The following SESN1 variants were observed in gnomAD, a reference collection of about 807,000 sequenced individuals.
The protein encoded by SESN1 is sestrin-1.
SESN1 carries 30 observed loss-of-function variants against 59.3 expected under a neutral mutation model. The observed-to-expected ratio is 0.51, with a 90% CI of 0.38 to 0.69. SESN1 has a LOEUF of 0.69. Ranked by LOEUF, SESN1 falls within the 30% of genes least tolerant of loss-of-function variation. The pLI, the probability that SESN1 is intolerant of heterozygous loss-of-function variation, is 0.00. For synonymous variants in SESN1, 197 were observed against 219.9 expected (o/e 0.90, Z 0.92); for missense variants, 566 against 673.0 (o/e 0.84, Z 1.76).
chr6:109,049,604 C>T (rs773299864), intron 1 of SESN1, among the ~76,000 whole-genome samples: 17 of 151,828 alleles, frequency 1.1e-4, no homozygotes, highest in Non-Finnish European at 1.6e-4. Context: ...GATCACTGCA[C>T]ATTGTAATTG....
intron 1 of SESN1, among the ~76,000 whole-genome samples, chr6:109,010,059 A>G (rs1399235820): frequency 6.6e-6 from 1 of 152,186 alleles, no homozygotes; most frequent in Non-Finnish European, 1.5e-5. Context: ...TGCAAAATTC[A>G]TTTTGCTAAG....
intron 1 of SESN1, among the ~76,000 whole-genome samples, chr6:109,049,592 C>G (rs1181710264): frequency 3.3e-5 from 5 of 151,860 alleles, no homozygotes; most frequent in African/African-American, 1.2e-4. Context: ...TTATCCTGAT[C>G]TGATCACTGC....
At chr6:109,022,149 T>C (rs1336869528) in intron 1 of SESN1, among the ~76,000 whole-genome samples, 1 of 152,102 alleles carries the variant, frequency 6.6e-6, no homozygotes, top group East Asian at 1.9e-4. Flanking sequence ...ATGCACCCAT[T>C]TGAAGTCCTT....
chr6:109,031,258 A>G (rs1382042563), intron 1 of SESN1, among the ~76,000 whole-genome samples: 4 of 152,186 alleles, frequency 2.6e-5, no homozygotes, highest in Non-Finnish European at 5.9e-5. Flanking sequence ...AAAAGTGATT[A>G]GATACTGCAG....
intron 1 of SESN1, among the ~76,000 whole-genome samples, chr6:109,007,692 G>C (rs1779761231): frequency 6.7e-6 from 1 of 149,970 alleles, no homozygotes; most frequent in Non-Finnish European, 1.5e-5. Flanking sequence ...AGAAGTGTTA[G>C]AAATATGCCT....
intron 1 of SESN1, 29 bp from the exon 2 acceptor site, chr6:109,002,372 C>T (rs765351310): frequency 6.3e-7 from 1 of 1,586,284 alleles, no homozygotes; most frequent in Admixed American, 1.7e-5. Context: ...CCATCTCAGG[C>T]CTTTGGCAGT....
intron 1 of SESN1, among the ~76,000 whole-genome samples, chr6:109,071,626 A>C (rs1483334464): frequency 6.6e-6 from 1 of 152,108 alleles, no homozygotes; most frequent in East Asian, 1.9e-4. Flanking sequence ...ATATTCTGGA[A>C]GCCAGACTTA....
chr6:109,061,758 C>A (rs1042791367), intron 1 of SESN1, among the ~76,000 whole-genome samples: 3 of 151,806 alleles, frequency 2.0e-5, no homozygotes, highest in African/African-American at 7.3e-5. Flanking sequence ...GAACTGAGAG[C>A]GCACCACTGC....
chr6:109,005,388 C>G (rs974364189), intron 1 of SESN1, among the ~76,000 whole-genome samples: 1 of 152,152 alleles, frequency 6.6e-6, no homozygotes, highest in Non-Finnish European at 1.5e-5. Flanking sequence ...GATTCAATTT[C>G]TAGGCCTTTA....
chr6:109,049,915 A>G (rs1234693895), intron 1 of SESN1, among the ~76,000 whole-genome samples: 1 of 152,166 alleles, frequency 6.6e-6, no homozygotes, highest in African/African-American at 2.4e-5. Context: ...ATACATCTCC[A>G]TGTCTGACTT....
chr6:108,992,992 C>A (rs1035293108), intron 6 of SESN1, 93 bp from the exon 7 acceptor site: 3 of 756,962 alleles, frequency 4.0e-6, no homozygotes, highest in Non-Finnish European at 6.8e-6. Context: ...AACTCTTTCT[C>A]TGATACTGAG....
chr6:109,093,036 T>C (rs1012426202), intron 1 of SESN1, among the ~76,000 whole-genome samples: 2 of 152,164 alleles, frequency 1.3e-5, no homozygotes, highest in African/African-American at 4.8e-5. Context: ...TTGCTGAATA[T>C]TGTCAATATC....
At chr6:109,077,092 C>G (rs562075226) in intron 1 of SESN1, among the ~76,000 whole-genome samples, 61 of 152,244 alleles carry the variant, frequency 4.0e-4, no homozygotes, top group African/African-American at 1.4e-3. Flanking sequence ...CATATCTAAA[C>G]ATAGAAAAAG....
chr6:109,011,570 T>C (rs891551406), intron 1 of SESN1, among the ~76,000 whole-genome samples: 4 of 152,038 alleles, frequency 2.6e-5, no homozygotes, highest in African/African-American at 7.2e-5. Context: ...ATAAAAAGGT[T>C]GCCTCCAAAT....
intron 1 of SESN1, among the ~76,000 whole-genome samples, chr6:109,032,571 T>C (rs1470542195): frequency 6.6e-6 from 1 of 151,034 alleles, no homozygotes; most frequent in African/African-American, 2.5e-5. Flanking sequence ...TGAGCCGAGA[T>C]TGGGCCATTG....
chr6:109,028,713 G>A (rs1287303088), intron 1 of SESN1, among the ~76,000 whole-genome samples: 1 of 152,140 alleles, frequency 6.6e-6, no homozygotes, highest in African/African-American at 2.4e-5. Context: ...TAGAAGCAAA[G>A]AGAATCTACT....
chr6:109,025,364 G>C (rs1259085098), intron 1 of SESN1, among the ~76,000 whole-genome samples: 1 of 151,360 alleles, frequency 6.6e-6, no homozygotes, highest in Non-Finnish European at 1.5e-5. Flanking sequence ...ATGTCCCCCA[G>C]GTTCCAGTTA....
chr6:109,043,622 G>T (rs9688496), intron 1 of SESN1, among the ~76,000 whole-genome samples: 15,268 of 151,974 alleles, frequency 0.1, 936 homozygotes, highest in Middle Eastern at 0.19. Flanking sequence ...CAATAAAAAA[G>T]AAAATAGGCA....
intron 1 of SESN1, among the ~76,000 whole-genome samples, chr6:109,025,510 G>T (rs1780077668): frequency 6.6e-6 from 1 of 150,480 alleles, no homozygotes; most frequent in South Asian, 2.1e-4. Flanking sequence ...TGCAAAGTCA[G>T]ATGCAGTCTG....
Sources: allele counts gnomAD v4.1 joint callset (sites outside exome capture counted in the v4.1 genomes callset), GRCh38; gene constraint gnomAD v4.1.1; transcripts MANE v1.5; gene names NCBI Gene and HGNC (gene_info 2026-07-23, HGNC 2026-07-21).